The following CASP10 variants were observed in gnomAD, a reference collection of about 807,000 sequenced individuals.
CASP10 encodes caspase-10.
A neutral mutation model predicts 48.5 loss-of-function variants in CASP10; 41 were observed. The ratio of observed to expected loss-of-function variants is 0.85; its 90% CI spans 0.66 to 1.10. CASP10 has a LOEUF of 1.10. Ranked by LOEUF, CASP10 falls within the 50% of genes least tolerant of loss-of-function variation. The pLI is 0.00. For synonymous variants in CASP10, 232 were observed against 238.4 expected, an observed-to-expected ratio of 0.97 and a Z score of 0.25; for missense variants, 614 against 614.5, an observed-to-expected ratio of 1.00 and a Z score of 0.01.
chr2:201,222,187 TTC>T (rs1945733526), downstream of CASP10, among the ~76,000 whole-genome samples: 1 of 152,050 alleles, frequency 6.6e-6, no homozygotes, highest in Non-Finnish European at 1.5e-5. Context: ...AATTAAATGT[TTC>T]TCTCTTTCCC....
intron 9 of CASP10, chr2:201,213,861 C>A (rs1370038837): frequency 1.3e-5 from 2 of 152,044 alleles, no homozygotes; most frequent in Non-Finnish European, 2.9e-5. Context: ...CATAATATGC[C>A]TCATAAGGAT....
intron 8 of CASP10, 193 bp downstream of exon 8, chr2:201,208,376 A>G: frequency 1.0e-6 from 1 of 985,332 alleles, no homozygotes; most frequent in Non-Finnish European, 1.2e-6. Context: ...ACTATTCACA[A>G]TTCTGAATAG....
intron 5 of CASP10, among the ~76,000 whole-genome samples, chr2:201,203,177 G>A (rs1945079695): frequency 6.6e-6 from 1 of 152,138 alleles, no homozygotes; most frequent in African/African-American, 2.4e-5. Context: ...AGTCCTTAGT[G>A]TAAATAATGC....
At chr2:201,193,336 T>A in intron 4 of CASP10, 1 of 417,796 alleles carries the variant, frequency 2.4e-6, no homozygotes, top group Non-Finnish European at 4.5e-6. Flanking sequence ...ACCTCCCGAG[T>A]AGCTGGGATT....
downstream of CASP10, among the ~76,000 whole-genome samples, chr2:201,223,651 C>T (rs911767613): frequency 3.3e-5 from 5 of 152,282 alleles, no homozygotes; most frequent in South Asian, 2.1e-4. Flanking sequence ...GTGAGATTTG[C>T]GTTGTATGTG....
At chr2:201,228,906 C>T in intron 9 of CASP10, 11 of 1,612,300 alleles carry the variant, frequency 6.8e-6, no homozygotes, top group Non-Finnish European at 9.3e-6. Flanking sequence ...TCAAAGTTCC[C>T]CTTTTATTTC....
At chr2:201,192,850 A>G (rs1277364708) in intron 3 of CASP10, 134 bp from the exon 4 acceptor site, 2 of 853,252 alleles carry the variant, frequency 2.3e-6, no homozygotes, top group Non-Finnish European at 3.9e-6. Flanking sequence ...TACATTCCTG[A>G]GCAACTTGAG....
In CASP10 at chr2:201,229,218, C is replaced by T. The variant is rs553177858; in HGVS notation, c.*135C>T. On this transcript the variant is annotated 3_prime_UTR_variant, in exon 10 of 10. Coordinates refer to the CASP10 transcript ENST00000272879. ...CAGCCACAAAGTTGAGACTTCTGAA[C>T]GTGGCACTCTTCTGTTCCCTTACTG... 28 of 1,004,308 alleles carry T rather than the reference C, an allele frequency of 2.8e-5. No homozygotes were observed. In the South Asian group the frequency reaches 3.1e-4, roughly 11 times the overall value. The allele number at this position is 1,004,308 out of a possible 1,614,324, so 62.2% of individuals were successfully genotyped here. A position where few individuals can be genotyped will look rare whatever the true frequency, so the allele number is the denominator to read the frequency against.
intron 9 of CASP10, chr2:201,212,165 T>G (rs1355413273): frequency 6.6e-6 from 1 of 152,222 alleles, no homozygotes; most frequent in Non-Finnish European, 1.5e-5. Flanking sequence ...GCCAGGCTGG[T>G]CTGGAACTCC....
At position 201,215,211 on chromosome 2, in the gene CASP10, G is replaced by GTTTTTTTTTTTTTTTTTTTTTTTT. The variant is rs10616229; in HGVS notation, c.1416-2375_1416-2352dup. On this transcript the variant is annotated intron_variant, in intron 9 of 9. Transcript: ENST00000286186. Reference sequence around the variant, plus strand: ...ATTTTGTAGGTTGTCTCTTCCCTCGGTTTTTTTTTTTTTTTTTTTTTTTTT... The same window carrying GTTTTTTTTTTTTTTTTTTTTTTTT: ...ATTTTGTAGGTTGTCTCTTCCCTCGGTTTTTTTTTTTTTTTTTTTTTTTTTTTTTTTTTTTTTTTTTTTTTTTTT... Among the ~76,000 whole-genome samples the GTTTTTTTTTTTTTTTTTTTTTTTT allele has an allele frequency of 2.7e-4, 8 of 29,884 alleles. 1 individual carries two copies. Among genetic ancestry groups the GTTTTTTTTTTTTTTTTTTTTTTTT allele is most frequent in the Non-Finnish European group, 5.1e-4 (8 of 15,692 alleles). 19.6% of individuals were successfully genotyped at this position (29,884 alleles called of 152,430 possible).
intron 1 of CASP10, among the ~76,000 whole-genome samples, chr2:201,185,384 A>G (rs1180765633): frequency 2.0e-5 from 3 of 152,202 alleles, no homozygotes; most frequent in Non-Finnish European, 4.4e-5. Flanking sequence ...AACTTAAAGC[A>G]TAGAGCCAAG....
intron 5 of CASP10, chr2:201,200,390 G>T: frequency 6.6e-7 from 1 of 1,524,332 alleles, no homozygotes. Flanking sequence ...CTCCACATTC[G>T]TAAGTTGGCT....
chr2:201,229,065 G>A (rs767152226), exon 10 of CASP10: 12 of 1,614,178 alleles, frequency 7.4e-6, no homozygotes, highest in Non-Finnish European at 1.0e-5. Flanking sequence ...CCATGCGCAG[G>A]TGGAGCAGCG....
intron 2 of CASP10, chr2:201,186,445 C>T (rs545797243): frequency 5.4e-6 from 2 of 372,296 alleles, no homozygotes; most frequent in African/African-American, 4.1e-5. Context: ...AGATCTTCTC[C>T]CTCCTGGGAT....
intron 5 of CASP10, among the ~76,000 whole-genome samples, chr2:201,202,361 T>C (rs1158526231): frequency 2.0e-5 from 3 of 152,146 alleles, no homozygotes; most frequent in African/African-American, 7.2e-5. Context: ...ACTTGAGAGG[T>C]GTCAACAGAG....
rs907826225 is a variant in CASP10 at position 201,200,353 on chromosome 2, A to G, written c.685-3377A>G. The G allele has an allele frequency of 4.5e-5, 55 of 1,226,480 alleles. 1 individual carries two copies. In the Admixed American group the frequency reaches 9.7e-4, roughly 22 times the overall value. 76.0% of individuals were successfully genotyped at this position (1,226,480 alleles called of 1,614,324 possible). On this transcript the variant is annotated intron_variant, in intron 5 of 9. Coordinates refer to ENST00000286186, the MANE Select transcript of CASP10 (RefSeq NM_032977.4). ...CAGCATTTACTATGTTGGTTGTAAAACAATGCTTTTCTGACTCCAGTATTC... is the reference window on the plus strand; with the variant it reads ...CAGCATTTACTATGTTGGTTGTAAAGCAATGCTTTTCTGACTCCAGTATTC...
chr2:201,186,106 A>G lies in CASP10; in HGVS notation c.329A>G (p.Gln110Arg). Residue 110 changes from glutamine to arginine, a missense_variant, in exon 2 of 10, where the codon CAA becomes CGA. Transcript: ENST00000286186. ...GTGGAGCGACTGCTGCCCACCCGACAAAGGGTTTCTCTGTTTAGGTGAGGA... is the reference window on the plus strand; with the variant it reads ...GTGGAGCGACTGCTGCCCACCCGACGAAGGGTTTCTCTGTTTAGGTGAGGA... ...EEVERLLPTR[Q>R]RVSLFRNLLY... 1.2e-6 allele frequency: 2 copies of G among 1,611,848 alleles called. No individual in the cohort carries two copies. The highest frequency in any genetic ancestry group is 1.1e-5 in the South Asian group (1 of 90,992).
Position 201,209,131 on chromosome 2 carries a change from G to A in CASP10, c.984G>A (p.Thr328=), listed in dbSNP as rs965047698. The A allele has an allele frequency of 5.6e-6, 9 of 1,610,858 alleles. No individual in the cohort carries two copies. In the Admixed American group the frequency reaches 6.7e-5, roughly 12 times the overall value. The part of the protein sequence containing the change: ...GFTVHIHNNV[T]KVEMEMVLQK... ...CAGTGCATATACACAATAATGTGAC[G>A]AAAGTGGAAATGGAGATGGTCCTGC... Residue 328 remains threonine, a synonymous_variant, in exon 9 of 10, where the codon ACG becomes ACA. Coordinates refer to ENST00000286186, the MANE Select transcript of CASP10 (RefSeq NM_032977.4).
At chr2:201,225,707 C>T (rs1056899551), downstream of CASP10, among the ~76,000 whole-genome samples, 10 of 152,182 alleles carry the variant, frequency 6.6e-5, no homozygotes, top group East Asian at 5.8e-4. Flanking sequence ...TGTGGTGGCT[C>T]GCGCCTGTAA....
Sources: gnomAD v4.1 joint callset for allele counts (sites outside exome capture counted in the v4.1 genomes callset) on GRCh38, gnomAD v4.1.1 for gene constraint, MANE v1.5 for transcripts, NCBI Gene and HGNC (gene_info 2026-07-23, HGNC 2026-07-21) for gene names.